The following TAPT1 variants were observed in gnomAD, a reference collection of about 807,000 sequenced individuals.
TAPT1 encodes transmembrane anterior posterior transformation protein 1 homolog.
TAPT1 carries 28 observed loss-of-function variants against 65.6 expected under a neutral mutation model. The observed-to-expected ratio is 0.43, with a 90% CI of 0.32 to 0.59. TAPT1 has a LOEUF of 0.59. Ranked by LOEUF, TAPT1 falls within the 20% of genes least tolerant of loss-of-function variation. TAPT1 has a pLI of 0.09. For synonymous variants in TAPT1, 278 were observed against 245.2 expected, an observed-to-expected ratio of 1.13 and a Z score of -1.25; for missense variants, 563 against 679.9, an observed-to-expected ratio of 0.83 and a Z score of 1.91.
chr4:16,202,612 A>T (rs745928717), intron 2 of TAPT1, 32 bp from the exon 3 acceptor site: 3 of 1,181,190 alleles, frequency 2.5e-6, no homozygotes, highest in Non-Finnish European at 1.2e-6. Flanking sequence ...AGAAAAAAAA[A>T]AAGTATTTTA....
chr4:16,179,327 A>G, intron 8 of TAPT1: 2 of 374,684 alleles, frequency 5.3e-6, no homozygotes, highest in Non-Finnish European at 9.8e-6. Flanking sequence ...AAACACAGAA[A>G]AGGACACTAG....
At chr4:16,208,656 G>A (rs1750477136) in intron 2 of TAPT1, among the ~76,000 whole-genome samples, 1 of 150,500 alleles carries the variant, frequency 6.6e-6, no homozygotes, top group Non-Finnish European at 1.5e-5. Flanking sequence ...TTGGGTCCGT[G>A]ACAGCTTCAT....
chr4:16,227,021 C>G (rs771792483), upstream of TAPT1: 1 of 453,436 alleles, frequency 2.2e-6, no homozygotes, highest in South Asian at 1.6e-5. Context: ...GGCTCCAGAT[C>G]ACCGACCCCC....
chr4:16,182,234 A>G (rs1250541507), intron 7 of TAPT1, among the ~76,000 whole-genome samples: 1 of 152,204 alleles, frequency 6.6e-6, no homozygotes, highest in Non-Finnish European at 1.5e-5. Context: ...TATAAAAAGA[A>G]ATAAAATTTT....
At position 16,163,026 on chromosome 4, in the gene TAPT1, C is replaced by G. The variant is rs2149660122; in HGVS notation, c.*282G>C. Reference sequence around the variant, plus strand: ...AAAGCAAAACAGATTTTGATGTTGCCTTTGTTGGGTCCTGGAAATGATGCT... The same window carrying G: ...AAAGCAAAACAGATTTTGATGTTGCGTTTGTTGGGTCCTGGAAATGATGCT... On this transcript the variant is annotated 3_prime_UTR_variant, in exon 14 of 14. Transcript: ENST00000405303. 1.9e-6 allele frequency: 1 copy of G among 525,448 alleles called. No individual in the cohort carries two copies. Among genetic ancestry groups the G allele is most frequent in the African/African-American group, 1.9e-5 (1 of 53,022 alleles). 32.5% of individuals were successfully genotyped at this position (525,448 alleles called of 1,614,324 possible).
At chr4:16,164,661 G>GCT (rs1747466289) in intron 13 of TAPT1, among the ~76,000 whole-genome samples, 1 of 152,046 alleles carries the variant, frequency 6.6e-6, no homozygotes, top group Non-Finnish European at 1.5e-5. Context: ...GAACTCCTGG[G>GCT]CTCAAGCGCT....
Position 16,162,203 on chromosome 4 carries a change from C to T in TAPT1, c.*1105G>A, listed in dbSNP as rs1304942293. The T allele has an allele frequency of 1.3e-5, 2 of 153,226 alleles. No individual in the cohort carries two copies. The highest frequency in any genetic ancestry group is 2.9e-5 in the Non-Finnish European group (2 of 68,332). 9.5% of individuals were successfully genotyped at this position (153,226 alleles called of 1,614,324 possible). On this transcript the variant is annotated 3_prime_UTR_variant, in exon 14 of 14. Transcript: ENST00000405303. ...CTTTCACACAAAATCCTCTCCAGAC[C>T]CAGGCCTGCCCCATCCCCAGCACAG... is the stretch of plus-strand genomic sequence containing the variant.
intron 7 of TAPT1, 105 bp from the exon 8 acceptor site, chr4:16,179,762 G>T: frequency 3.9e-6 from 2 of 513,566 alleles, no homozygotes. Flanking sequence ...ATTAGACGAT[G>T]TATAAATGTC....
chr4:16,189,010 G>A (rs1011956006), intron 4 of TAPT1, among the ~76,000 whole-genome samples: 2 of 152,026 alleles, frequency 1.3e-5, no homozygotes, highest in African/African-American at 4.8e-5. Flanking sequence ...TCAAATTTAG[G>A]ACAAATATAT....
chr4:16,213,832 G>C lies in TAPT1; in HGVS notation c.266C>G (p.Ala89Gly). The C allele has an allele frequency of 6.2e-7, 1 of 1,609,180 alleles. No homozygotes were observed. The highest frequency in any genetic ancestry group is 8.5e-7 in the Non-Finnish European group (1 of 1,178,292). ...TRGYFLEHNEAKYTERRERVY... is the reference protein window; with the variant it reads ...TRGYFLEHNEGKYTERRERVY... ...TCTTTCTCTTCTTTCTGTATACTTG[G>C]CCTCATTATGTTCAAGGAAGTACCC... The change falls in exon 2 of 14, where the codon GCC (alanine) becomes GGC (glycine). Residue 89 changes from alanine (A) to glycine (G), a missense_variant. Physicochemically the swap from Ala to Gly is moderately conservative, Grantham distance 60 (BLOSUM62 0). Coordinates refer to ENST00000405303, the MANE Select transcript of TAPT1 (RefSeq NM_153365.3).
chr4:16,226,184 C>G, intron 1 of TAPT1, 75 bp downstream of exon 1: 1 of 1,073,678 alleles, frequency 9.3e-7, no homozygotes, highest in Non-Finnish European at 1.1e-6. Flanking sequence ...GGCCGGGGTT[C>G]CAAGGCGCCC....
At chr4:16,215,190 C>G (rs958776560) in intron 1 of TAPT1, among the ~76,000 whole-genome samples, 1 of 152,070 alleles carries the variant, frequency 6.6e-6, no homozygotes, top group Non-Finnish European at 1.5e-5. Context: ...GCTTGGGAGG[C>G]TGAGGCAAGA....
chr4:16,214,791 T>C (rs1230197974), intron 1 of TAPT1, among the ~76,000 whole-genome samples: 3 of 152,204 alleles, frequency 2.0e-5, no homozygotes, highest in African/African-American at 7.2e-5. Context: ...AGAACGCAGG[T>C]TACCAAAAGG....
In TAPT1 at chr4:16,166,686, C is replaced by G. The variant is rs1747643808; in HGVS notation, c.1421G>C (p.Cys474Ser). 6.2e-7 allele frequency: 1 copy of G among 1,613,922 alleles called. No homozygotes were observed. The highest frequency in any genetic ancestry group is 1.1e-5 in the South Asian group (1 of 91,088). ...EEKLSNPPAT[C>S]TPGKPSSKSQ... ...TTTACTGGACGGCTTGCCTGGAGTGCAGGTTGCGGGAGGATTCGACAGCTT... is the reference window on the plus strand; with the variant it reads ...TTTACTGGACGGCTTGCCTGGAGTGGAGGTTGCGGGAGGATTCGACAGCTT... The change falls in exon 13 of 14, where the codon TGC becomes TCC. Residue 474 changes from cysteine (C) to serine (S), a missense_variant. Transcript: ENST00000405303.
Position 16,177,358 on chromosome 4 carries a change from T to C in TAPT1, c.998-1130A>G, listed in dbSNP as rs567865834. 1.4e-4 allele frequency among the ~76,000 whole-genome samples: 21 copies of C among 152,190 alleles called. No homozygotes were observed. In the South Asian group the frequency reaches 4.4e-3, roughly 32 times the overall value. The stretch of plus-strand genomic sequence containing the variant: ...AACCTCCTAAGAACTTGGAAAAGAA[T>C]GTAAGAGTGGGACACAGCAAGAAAA... On this transcript the variant is annotated intron_variant, in intron 8 of 13. Transcript: ENST00000405303.
chr4:16,227,050 T>C (rs1269622772), upstream of TAPT1: 2 of 454,496 alleles, frequency 4.4e-6, no homozygotes, highest in South Asian at 3.1e-5. Flanking sequence ...CGGCCCTGCC[T>C]GCCCGCTATT....
chr4:16,226,584 C>T (rs1394599382), upstream of TAPT1: 2 of 631,094 alleles, frequency 3.2e-6, no homozygotes, highest in Non-Finnish European at 4.0e-6. Context: ...CATCCGCGGC[C>T]CGCCGACCGG....
intron 3 of TAPT1, among the ~76,000 whole-genome samples, chr4:16,201,004 G>GT (rs142873974): frequency 0.033 from 5,031 of 152,246 alleles, 265 homozygotes; most frequent in African/African-American, 0.12. Context: ...AATAAAATAT[G>GT]TAACACTAAT....
At chr4:16,200,598 T>C (rs1749972269) in intron 3 of TAPT1, among the ~76,000 whole-genome samples, 1 of 152,222 alleles carries the variant, frequency 6.6e-6, no homozygotes. Context: ...AGTGCTGAGA[T>C]TACAGGCATG....
Sources: gnomAD v4.1 joint callset for allele counts (sites outside exome capture counted in the v4.1 genomes callset) on GRCh38, gnomAD v4.1.1 for gene constraint, MANE v1.5 for transcripts, NCBI Gene and HGNC (gene_info 2026-07-23, HGNC 2026-07-21) for gene names.